The following AGTPBP1 variants were observed in gnomAD, a reference collection of about 807,000 sequenced individuals.
AGTPBP1 encodes the protein cytosolic carboxypeptidase 1.
Under a neutral mutation model 143.9 loss-of-function variants are expected in AGTPBP1, and 70 were observed. That is an observed-to-expected ratio of 0.49 (90% CI 0.40 to 0.59). The LOEUF (loss-of-function observed/expected upper bound fraction) is 0.59. Among genes scored for constraint, AGTPBP1 ranks in the 20% least tolerant of loss-of-function variants. The pLI, the probability that AGTPBP1 is intolerant of heterozygous loss-of-function variation, is 0.00. For missense variants in AGTPBP1, 1,229 were observed against 1,464.5 expected (o/e 0.84, Z 2.62); for synonymous variants, 463 against 500.2 (o/e 0.93, Z 0.99).
upstream of AGTPBP1, among the ~76,000 whole-genome samples, chr9:85,742,321 G>A (rs1209380303): frequency 1.3e-5 from 2 of 152,056 alleles, no homozygotes; most frequent in African/African-American, 2.4e-5. Context: ...TCCCAACGAG[G>A]GCCCCAGCCT....
At chr9:85,712,766 T>A (rs967321111) in intron 1 of AGTPBP1, among the ~76,000 whole-genome samples, 200 bp from the exon 2 acceptor site, 4 of 152,168 alleles carry the variant, frequency 2.6e-5, no homozygotes, top group Non-Finnish European at 5.9e-5. Flanking sequence ...ATACCTATAA[T>A]CAGCCAGGAA....
chr9:85,759,562 T>G, the AGTPBP1 span, among the ~76,000 whole-genome samples: 75 of 152,168 alleles, frequency 4.9e-4, no homozygotes, highest in Admixed American at 7.8e-4. Flanking sequence ...AAAGATGTTC[T>G]TTGAAACCAA....
chr9:85,700,837 C>G (rs1204971037), intron 2 of AGTPBP1, among the ~76,000 whole-genome samples: 2 of 152,136 alleles, frequency 1.3e-5, no homozygotes, highest in African/African-American at 2.4e-5. Flanking sequence ...AATATTTAGC[C>G]ATTGTATTCT....
At chr9:85,738,851 T>C (rs62570631) in intron 1 of AGTPBP1, among the ~76,000 whole-genome samples, 2,253 of 152,072 alleles carry the variant, frequency 0.015, 25 homozygotes, top group Middle Eastern at 0.037. Context: ...TACTGCTCCA[T>C]CCCCCAAAAG....
In AGTPBP1 at chr9:85,678,285, G is replaced by T. The variant is rs201935383; in HGVS notation, c.289+50C>A. 2.3e-5 allele frequency: 29 copies of T among 1,274,762 alleles called. No homozygotes were observed. In the East Asian group the frequency reaches 7.0e-4, roughly 31 times the overall value. The allele number at this position is 1,274,762 out of a possible 1,614,324, so 79.0% of individuals were successfully genotyped here. ...CCAAATAAAGTGAATACGATACATT[G>T]TTGATCACTGTTTAGAAACAGAAAT... On this transcript the variant is annotated intron_variant, in intron 5 of 25. Transcript: ENST00000357081.
At chr9:85,643,316 A>G (rs2133828931) in intron 12 of AGTPBP1, among the ~76,000 whole-genome samples, 1 of 152,330 alleles carries the variant, frequency 6.6e-6, no homozygotes, top group South Asian at 2.1e-4. Context: ...TATGCTAAGC[A>G]TTTTACATCT....
Position 85,561,191 on chromosome 9 carries a change from G to A in AGTPBP1, c.3504-13905C>T, listed in dbSNP as rs542733982. Reference sequence around the variant, plus strand: ...AGCCTGGCTAATATGGTGAAACCCCGTTTCTATTAAAAATACAAAAATTAG... The same window carrying A: ...AGCCTGGCTAATATGGTGAAACCCCATTTCTATTAAAAATACAAAAATTAG... On this transcript the variant is annotated intron_variant, in intron 25 of 25. Transcript: ENST00000357081. 5.9e-5 allele frequency among the ~76,000 whole-genome samples: 9 copies of A among 151,978 alleles called. No homozygotes were observed. The South Asian group carries it at 1.5e-3, about 25-fold the overall frequency.
chr9:85,700,221 A>T (rs1185119176), intron 2 of AGTPBP1, among the ~76,000 whole-genome samples: 2 of 152,228 alleles, frequency 1.3e-5, no homozygotes, highest in East Asian at 3.8e-4. Flanking sequence ...GCTAGGTTAT[A>T]CTACCAAAAC....
chr9:85,686,788 T>A (rs1034229003), intron 3 of AGTPBP1, among the ~76,000 whole-genome samples: 3 of 152,014 alleles, frequency 2.0e-5, no homozygotes, highest in African/African-American at 7.2e-5. Flanking sequence ...TAGGAACCAC[T>A]AAGAAAAGAA....
intron 2 of AGTPBP1, among the ~76,000 whole-genome samples, chr9:85,705,874 T>C (rs1836959665): frequency 6.6e-6 from 1 of 151,900 alleles, no homozygotes; most frequent in African/African-American, 2.4e-5. Context: ...GTATTTTTAG[T>C]AGAGATGGGG....
rs910065967 is a variant in AGTPBP1 at position 85,672,429 on chromosome 9, A to G, written c.568+121T>C. 1.0e-5 allele frequency: 12 copies of G among 1,143,680 alleles called. No homozygotes were observed. The African/African-American group carries it at 1.7e-4, about 16-fold the overall frequency. 70.8% of individuals were successfully genotyped at this position (1,143,680 alleles called of 1,614,324 possible). Reference sequence around the variant, plus strand: ...TTGGAGTCAAGAGTTAAAATGAGCCATATTAAATCTTCTCTTTCCTTTTTC... The same window carrying G: ...TTGGAGTCAAGAGTTAAAATGAGCCGTATTAAATCTTCTCTTTCCTTTTTC... On this transcript the variant is annotated intron_variant, in intron 7 of 25. Coordinates refer to ENST00000357081, the MANE Select transcript of AGTPBP1 (RefSeq NM_001330701.2).
At chr9:85,621,326 C>A in intron 14 of AGTPBP1, 41 bp from the exon 15 acceptor site, 1 of 973,084 alleles carries the variant, frequency 1.0e-6, no homozygotes, top group Non-Finnish European at 1.4e-6. Context: ...TTATTATACA[C>A]TAATGTACAA....
At chr9:85,623,640 CCAGCTA>C (rs1285665931) in intron 14 of AGTPBP1, among the ~76,000 whole-genome samples, 1 of 151,770 alleles carries the variant, frequency 6.6e-6, no homozygotes, top group African/African-American at 2.4e-5. Context: ...GCCTGTAATC[CCAGCTA>C]CTCAAGAGGC....
At chr9:85,730,970 C>T (rs1002946293) in intron 1 of AGTPBP1, among the ~76,000 whole-genome samples, 2 of 152,136 alleles carry the variant, frequency 1.3e-5, no homozygotes, top group East Asian at 3.9e-4. Context: ...TATGGTAAAC[C>T]TTCTCTTTGC....
At chr9:85,593,714 G>C (rs898679284) in intron 18 of AGTPBP1, among the ~76,000 whole-genome samples, 1 of 152,160 alleles carries the variant, frequency 6.6e-6, no homozygotes, top group African/African-American at 2.4e-5. Context: ...CTCACCATGT[G>C]TTGATAATTG....
chr9:85,547,418 C>A, intron 25 of AGTPBP1, 132 bp from the exon 26 acceptor site: 2 of 731,288 alleles, frequency 2.7e-6, no homozygotes, highest in Non-Finnish European at 3.9e-6. Context: ...AAATCTTATC[C>A]AAATGAACAA....
chr9:85,655,959 C>G (rs775430828), intron 10 of AGTPBP1, among the ~76,000 whole-genome samples: 18 of 152,140 alleles, frequency 1.2e-4, no homozygotes, highest in Non-Finnish European at 2.4e-4. Flanking sequence ...TCCCGAGTAG[C>G]TGGGACTACA....
upstream of AGTPBP1, among the ~76,000 whole-genome samples, chr9:85,742,524 A>G (rs79770323): frequency 5.9e-3 from 893 of 152,282 alleles, 7 homozygotes; most frequent in African/African-American, 0.02. Context: ...TGTTACTACA[A>G]TCGGGCTCCC....
At chr9:85,644,562 C>A (rs1381413914) in intron 12 of AGTPBP1, among the ~76,000 whole-genome samples, 1 of 151,978 alleles carries the variant, frequency 6.6e-6, no homozygotes, top group Admixed American at 6.6e-5. Flanking sequence ...GGACTACTTA[C>A]AGACTCATTA....
Sources: gnomAD v4.1 joint callset for allele counts (sites outside exome capture counted in the v4.1 genomes callset) on GRCh38, gnomAD v4.1.1 for gene constraint, MANE v1.5 for transcripts, NCBI Gene and HGNC (gene_info 2026-07-23, HGNC 2026-07-21) for gene names.